The following TTLL11 variants were observed in gnomAD, a reference collection of about 807,000 sequenced individuals.
TTLL11 encodes the protein tubulin polyglutamylase TTLL11.
A neutral mutation model predicts 51.7 loss-of-function variants in TTLL11; 42 were observed. The observed-to-expected ratio is 0.81, with a 90% CI of 0.64 to 1.05. The LOEUF (loss-of-function observed/expected upper bound fraction) is 1.05. Among genes scored for constraint, TTLL11 ranks in the 50% least tolerant of loss-of-function variants. The pLI is 0.00. For missense variants in TTLL11, 799 were observed against 940.4 expected (o/e 0.85, Z 1.97); for synonymous variants, 381 against 383.5 (o/e 0.99, Z 0.08).
intron 3 of TTLL11, among the ~76,000 whole-genome samples, chr9:122,015,807 CAAA>C (rs11297849): frequency 4.2e-5 from 4 of 94,466 alleles, no homozygotes; most frequent in Admixed American, 1.2e-4. Context: ...TCAAAAGAGA[CAAA>C]AAAAAAAAAA....
rs1291211605 is a variant in TTLL11 at position 121,820,091 on chromosome 9, A to G, written c.*2496T>C. Reference sequence around the variant, plus strand: ...GGGCTGCTCCCGGGACAGAGGGGCCATGGTGGGCGGAGCAGCCCGCCTCCA... The same window carrying G: ...GGGCTGCTCCCGGGACAGAGGGGCCGTGGTGGGCGGAGCAGCCCGCCTCCA... On this transcript the variant is annotated 3_prime_UTR_variant, in exon 9 of 9. Coordinates refer to ENST00000321582, the MANE Select transcript of TTLL11 (RefSeq NM_001139442.2). Among the ~76,000 whole-genome samples, 2 of 152,204 alleles carry G rather than the reference A, an allele frequency of 1.3e-5. No individual in the cohort carries two copies. Among genetic ancestry groups the G allele is most frequent in the Non-Finnish European group, 2.9e-5 (2 of 68,026 alleles).
At chr9:122,061,885 C>G (rs1230881124) in intron 1 of TTLL11, among the ~76,000 whole-genome samples, 1 of 152,148 alleles carries the variant, frequency 6.6e-6, no homozygotes, top group Admixed American at 6.5e-5. Flanking sequence ...ATCTGCCCAC[C>G]TCGGCCTCCC....
At chr9:121,892,800 C>T (rs1481529050) in intron 6 of TTLL11, among the ~76,000 whole-genome samples, 5 of 152,172 alleles carry the variant, frequency 3.3e-5, no homozygotes, top group East Asian at 1.9e-4. Flanking sequence ...TCCCCTTTGT[C>T]GTGGCCACTG....
At chr9:121,826,217 TGC>T (rs1491587083) in intron 8 of TTLL11, among the ~76,000 whole-genome samples, 1,299 of 57,926 alleles carry the variant, frequency 0.022, 108 homozygotes, top group African/African-American at 0.088. Flanking sequence ...TATATATATA[TGC>T]ACACATATAT....
intron 1 of TTLL11, among the ~76,000 whole-genome samples, chr9:122,088,008 C>G (rs892120144): frequency 5.3e-5 from 8 of 152,150 alleles, no homozygotes; most frequent in African/African-American, 1.2e-4. Flanking sequence ...CTGGCCAGAA[C>G]GGGTATGACT....
Position 122,017,016 on chromosome 9 carries a change from G to A in TTLL11, c.693+14707C>T, listed in dbSNP as rs57293384. On this transcript the variant is annotated intron_variant, in intron 3 of 8. Coordinates refer to ENST00000321582, the MANE Select transcript of TTLL11 (RefSeq NM_001139442.2). ...CACCTGCTGATCACATTTGAGTACC[G>A]GTTTTGCAAATGAAGAGCAGGGTAA... Among the ~76,000 whole-genome samples the A allele has an allele frequency of 4.1e-3, 623 of 152,264 alleles. 21 individuals are homozygous for A. In the East Asian group the frequency reaches 0.1, roughly 25 times the overall value.
intron 6 of TTLL11, among the ~76,000 whole-genome samples, chr9:121,875,284 C>T (rs1327631051): frequency 1.3e-5 from 2 of 152,200 alleles, no homozygotes; most frequent in Non-Finnish European, 2.9e-5. Context: ...GGGAACTCCA[C>T]CACCTCTGGG....
At chr9:121,915,495 G>A (rs968271777) in intron 6 of TTLL11, among the ~76,000 whole-genome samples, 2 of 152,102 alleles carry the variant, frequency 1.3e-5, no homozygotes, top group Non-Finnish European at 2.9e-5. Context: ...CCATCACATC[G>A]TATTCTAATT....
chr9:121,952,212 C>T (rs9408933), intron 6 of TTLL11, among the ~76,000 whole-genome samples: 69,686 of 151,840 alleles, frequency 0.46, 16,219 homozygotes, highest in East Asian at 0.71. Flanking sequence ...TTTGGGAGGC[C>T]GAGCTGGGCA....
At chr9:122,083,638 C>T (rs913011897) in intron 1 of TTLL11, among the ~76,000 whole-genome samples, 2 of 151,962 alleles carry the variant, frequency 1.3e-5, no homozygotes, top group Admixed American at 6.6e-5. Flanking sequence ...GGTGAAACCC[C>T]GTCTCTACTA....
intron 1 of TTLL11, among the ~76,000 whole-genome samples, chr9:122,077,618 T>G (rs543093563): frequency 2.0e-5 from 3 of 152,120 alleles, no homozygotes; most frequent in Admixed American, 1.3e-4. Context: ...GCTATAAAAT[T>G]TATATAATAC....
chr9:122,089,205 AC>A (rs1846200378), intron 1 of TTLL11, among the ~76,000 whole-genome samples: 1 of 151,886 alleles, frequency 6.6e-6, no homozygotes, highest in Non-Finnish European at 1.5e-5. Flanking sequence ...CTTATTTCTT[AC>A]CTGGGCTACT....
chr9:121,838,046 A>G (rs1837229529), intron 8 of TTLL11, among the ~76,000 whole-genome samples: 1 of 152,172 alleles, frequency 6.6e-6, no homozygotes, highest in Non-Finnish European at 1.5e-5. Context: ...CCAGGTTGAA[A>G]TACCTTCAAT....
At chr9:121,883,316 G>A (rs1235261256) in intron 6 of TTLL11, among the ~76,000 whole-genome samples, 1 of 152,096 alleles carries the variant, frequency 6.6e-6, no homozygotes, top group Non-Finnish European at 1.5e-5. Context: ...GACTTGATGG[G>A]GTGGTATAAA....
chr9:121,880,999 T>C (rs1461833911), intron 6 of TTLL11, among the ~76,000 whole-genome samples: 1 of 152,216 alleles, frequency 6.6e-6, no homozygotes, highest in Non-Finnish European at 1.5e-5. Context: ...TTCCTCTTGT[T>C]CTCTCACAGT....
At chr9:122,075,157 A>G (rs945950978) in intron 1 of TTLL11, among the ~76,000 whole-genome samples, 2 of 152,216 alleles carry the variant, frequency 1.3e-5, no homozygotes, top group African/African-American at 4.8e-5. Context: ...ATAATCCATT[A>G]TTGTAACAAA....
At chr9:122,073,323 T>C (rs1388540912) in intron 1 of TTLL11, among the ~76,000 whole-genome samples, 1 of 152,060 alleles carries the variant, frequency 6.6e-6, no homozygotes. Context: ...GGCACAAGAA[T>C]CACTTGAACC....
intron 6 of TTLL11, among the ~76,000 whole-genome samples, chr9:121,965,234 C>A (rs1390645600): frequency 6.6e-6 from 1 of 152,112 alleles, no homozygotes; most frequent in Non-Finnish European, 1.5e-5. Flanking sequence ...TTTCACACTG[C>A]TATAAAGAAC....
chr9:122,066,621 A>C (rs1442703378), intron 1 of TTLL11, among the ~76,000 whole-genome samples: 1 of 152,202 alleles, frequency 6.6e-6, no homozygotes, highest in East Asian at 1.9e-4. Context: ...AAGCTTAGAG[A>C]GGCCACAGAA....
Sources: gnomAD v4.1 joint callset for allele counts (sites outside exome capture counted in the v4.1 genomes callset) on GRCh38, gnomAD v4.1.1 for gene constraint, MANE v1.5 for transcripts, NCBI Gene and HGNC (gene_info 2026-07-23, HGNC 2026-07-21) for gene names.